Variants in ALPK1 observed in about 807,000 individuals in gnomAD.
ALPK1 encodes alpha kinase 1, also known as alpha-protein kinase 1.
In ALPK1, 110 loss-of-function variants were observed where a neutral mutation model predicts 120.6. The observed-to-expected ratio is 0.91, with a 90% CI of 0.78 to 1.07. The LOEUF is 1.07. Ranked by LOEUF, ALPK1 falls within the 50% of genes least tolerant of loss-of-function variation. ALPK1 has a pLI of 0.00. For synonymous variants in ALPK1, 582 were observed against 560.3 expected, an observed-to-expected ratio of 1.04 and a Z score of -0.55; for missense variants, 1,498 against 1,483.9, an observed-to-expected ratio of 1.01 and a Z score of -0.16.
chr4:112,356,171 T>G, intron 2 of ALPK1: 1 of 1,607,670 alleles, frequency 6.2e-7, no homozygotes, highest in African/African-American at 1.3e-5. Context: ...GACCGTAGAC[T>G]TCCCTTCCCA....
chr4:112,425,584 A>C lies in ALPK1; in HGVS notation c.536-81A>C, dbSNP rs911659529. 1.1e-5 allele frequency: 13 copies of C among 1,185,222 alleles called. No individual in the cohort carries two copies. In the African/African-American group the frequency reaches 1.4e-4, roughly 12 times the overall value. 73.4% of individuals were successfully genotyped at this position (1,185,222 alleles called of 1,614,324 possible). ...TCTCAAAATGATGTCACATGTGCTC[A>C]TGAAGACTTCTGTGAAAATAGTTTT... On this transcript the variant is annotated intron_variant, in intron 6 of 15. Coordinates refer to ENST00000650871, the MANE Select transcript of ALPK1 (RefSeq NM_025144.4).
chr4:112,324,504 G>T (rs535071549), intron 2 of ALPK1, among the ~76,000 whole-genome samples: 3 of 151,936 alleles, frequency 2.0e-5, no homozygotes, highest in African/African-American at 7.3e-5. Context: ...TTCAGACAGG[G>T]TCTAACTCTA....
At chr4:112,340,820 TTAAGA>T (rs1225693952) in intron 2 of ALPK1, among the ~76,000 whole-genome samples, 7 of 152,242 alleles carry the variant, frequency 4.6e-5, no homozygotes, top group Admixed American at 2.0e-4. Context: ...ATGCACTTAG[TTAAGA>T]TATCAAAGTT....
At chr4:112,378,474 C>T (rs1160840585) in intron 3 of ALPK1, among the ~76,000 whole-genome samples, 3 of 152,144 alleles carry the variant, frequency 2.0e-5, no homozygotes, top group Non-Finnish European at 1.5e-5. Context: ...TTCTTTGTGC[C>T]ATTCAGAGTA....
chr4:112,327,690 C>G (rs1360396833), intron 2 of ALPK1, among the ~76,000 whole-genome samples: 1 of 152,182 alleles, frequency 6.6e-6, no homozygotes, highest in Non-Finnish European at 1.5e-5. Flanking sequence ...GGTGATCCTC[C>G]TGCCTTGGCC....
intron 3 of ALPK1, among the ~76,000 whole-genome samples, chr4:112,378,211 T>TA (rs1362111919): frequency 1.3e-5 from 2 of 152,206 alleles, no homozygotes; most frequent in Admixed American, 6.5e-5. Context: ...TTTCAATTAT[T>TA]AAAAAATTGA....
At chr4:112,401,354 G>A (rs562802756) in intron 4 of ALPK1, among the ~76,000 whole-genome samples, 74 of 152,290 alleles carry the variant, frequency 4.9e-4, no homozygotes, top group Middle Eastern at 6.8e-3. Flanking sequence ...TCCCAGAAAG[G>A]TTGCAGAATT....
chr4:112,306,852 A>G (rs955217313), intron 1 of ALPK1, among the ~76,000 whole-genome samples: 3 of 152,052 alleles, frequency 2.0e-5, no homozygotes, highest in Non-Finnish European at 2.9e-5. Flanking sequence ...TAGGATGTCA[A>G]TTTAAGATCT....
chr4:112,391,344 G>A (rs1732408463), intron 4 of ALPK1, among the ~76,000 whole-genome samples: 1 of 152,134 alleles, frequency 6.6e-6, no homozygotes, highest in Admixed American at 6.5e-5. Flanking sequence ...CCAAACTGCA[G>A]GCCATAAAAA....
intron 2 of ALPK1, among the ~76,000 whole-genome samples, chr4:112,350,415 A>G (rs184693722): frequency 1.3e-5 from 2 of 152,294 alleles, no homozygotes. Flanking sequence ...TATCACACCA[A>G]CATCGGGACC....
chr4:112,330,618 G>A (rs1037605710), intron 2 of ALPK1, among the ~76,000 whole-genome samples: 12 of 152,200 alleles, frequency 7.9e-5, no homozygotes, highest in African/African-American at 2.9e-4. Flanking sequence ...CATGTGGCCT[G>A]TCCTTGGGTG....
At chr4:112,425,849 G>T (rs971237540) in intron 7 of ALPK1, 98 bp downstream of exon 7, 1 of 963,162 alleles carries the variant, frequency 1.0e-6, no homozygotes. Flanking sequence ...GGCTAAAATT[G>T]TTAATTTCCA....
intron 8 of ALPK1, among the ~76,000 whole-genome samples, chr4:112,427,144 G>A (rs868555076): frequency 2.6e-5 from 4 of 152,292 alleles, no homozygotes; most frequent in South Asian, 2.1e-4. Flanking sequence ...TAGCAGTAGG[G>A]ACAAGTTAGT....
At chr4:112,351,053 C>A (rs1730331158) in intron 2 of ALPK1, among the ~76,000 whole-genome samples, 1 of 152,232 alleles carries the variant, frequency 6.6e-6, no homozygotes, top group Admixed American at 6.5e-5. Flanking sequence ...AGATGTCGCT[C>A]TTCCAGCTAT....
intron 4 of ALPK1, among the ~76,000 whole-genome samples, chr4:112,401,688 T>G (rs958034841): frequency 5.9e-5 from 9 of 152,150 alleles, no homozygotes; most frequent in Admixed American, 1.3e-4. Flanking sequence ...CCCAGGGCCA[T>G]GAGATTCACA....
intron 5 of ALPK1, among the ~76,000 whole-genome samples, chr4:112,419,194 T>G (rs1445063932): frequency 6.6e-6 from 1 of 152,230 alleles, no homozygotes; most frequent in Non-Finnish European, 1.5e-5. Flanking sequence ...TCATTTGATA[T>G]CTGTCATTTT....
chr4:112,312,884 G>A (rs955012983), intron 1 of ALPK1, among the ~76,000 whole-genome samples: 3 of 152,216 alleles, frequency 2.0e-5, no homozygotes, highest in African/African-American at 7.2e-5. Context: ...CAAATTGAAA[G>A]TGAACGGGAG....
intron 2 of ALPK1, chr4:112,357,526 C>G: frequency 1.1e-6 from 1 of 944,356 alleles, no homozygotes. Context: ...GCTGGTCTGT[C>G]AGGGCATCTG....
chr4:112,432,432 C>T lies in ALPK1; in HGVS notation c.2885C>T (p.Pro962Leu), dbSNP rs148990093. Residue 962 changes from proline to leucine, a missense_variant, in exon 11 of 16, where the codon CCG becomes CTG. Coordinates refer to ENST00000650871, the MANE Select transcript of ALPK1 (RefSeq NM_025144.4). ...NSSGSSWVSLPGKMRKEILEA... is the reference protein window; with the variant it reads ...NSSGSSWVSLLGKMRKEILEA... Reference sequence around the variant, plus strand: ...AGTGGGAGTTCTTGGGTTTCATTGCCGGGAAAGATGAGGAAAGAGATCCTT... The same window carrying T: ...AGTGGGAGTTCTTGGGTTTCATTGCTGGGAAAGATGAGGAAAGAGATCCTT... 148 of 1,613,908 alleles carry T rather than the reference C, an allele frequency of 9.2e-5. No homozygotes were observed. The highest frequency in any genetic ancestry group is 1.1e-4 in the Non-Finnish European group (134 of 1,180,016).
Sources: gnomAD v4.1 joint callset for allele counts (sites outside exome capture counted in the v4.1 genomes callset) on GRCh38, gnomAD v4.1.1 for gene constraint, MANE v1.5 for transcripts, NCBI Gene and HGNC (gene_info 2026-07-23, HGNC 2026-07-21) for gene names.